Variants in RTN4RL2 observed in about 807,000 individuals in gnomAD.
The protein encoded by RTN4RL2 is reticulon-4 receptor-like 2.
RTN4RL2 carries 9 observed loss-of-function variants against 27.8 expected under a neutral mutation model. That is an observed-to-expected ratio of 0.32 (90% CI 0.20 to 0.57). The LOEUF is 0.57. RTN4RL2 is among the 20% of genes least tolerant of loss of function. The pLI, the probability that RTN4RL2 is intolerant of heterozygous loss-of-function variation, is 0.90. For missense variants in RTN4RL2, 436 were observed against 596.8 expected (o/e 0.73, Z 2.81); for synonymous variants, 285 against 297.9 (o/e 0.96, Z 0.45).
At chr11:57,468,468 C>T in intron 2 of RTN4RL2, 1 of 1,181,484 alleles carries the variant, frequency 8.5e-7, no homozygotes. Flanking sequence ...CACACACCCA[C>T]TCCGCATACA....
At chr11:57,463,506 G>A (rs1404704068) in intron 1 of RTN4RL2, among the ~76,000 whole-genome samples, 6 of 151,978 alleles carry the variant, frequency 3.9e-5, no homozygotes, top group Admixed American at 3.9e-4. Context: ...GAGGCCTGGG[G>A]TGCTCAGAAA....
rs1307895385 is a variant in RTN4RL2, at chr11:57,462,186, G to A, written c.31+1290G>A. ...GGCCTGGACGTTGGATTCTGCAGCC[G>A]CTGCCGCCACCACGGTGGCTGCTTA... On this transcript the variant is annotated intron_variant, in intron 1 of 2. Transcript: ENST00000335099. Among the ~76,000 whole-genome samples, 4 of 152,202 alleles carry A rather than the reference G, an allele frequency of 2.6e-5. No individual in the cohort carries two copies. The East Asian group carries it at 5.8e-4, about 22-fold the overall frequency.
At chr11:57,466,325 C>G (rs540255066) in intron 1 of RTN4RL2, among the ~76,000 whole-genome samples, 3 of 152,074 alleles carry the variant, frequency 2.0e-5, no homozygotes, top group Non-Finnish European at 4.4e-5. Flanking sequence ...AAAAAATTAG[C>G]TGGGTGCAGT....
Position 57,476,774 on chromosome 11 carries a change from G to T in RTN4RL2, c.1126G>T (p.Gly376Cys). Residue 376 changes from glycine to cysteine, a missense_variant, in exon 3 of 3, where the codon GGT becomes TGT. Around this residue, in one of 3 missense-constraint regions of RTN4RL2, gnomAD observed 60 missense variants for 43.0 expected, o/e 1.40. Coordinates refer to ENST00000335099, the MANE Select transcript of RTN4RL2 (RefSeq NM_178570.3). This position sits in a 1 kb window ranked among gnomAD's most constrained non-coding sequence, Gnocchi z 8.2. ...GGACGACTACTGGGGGGGCTACGGGGGTGAGGACCAGCGAGGGGAGCAGAT... is the reference window on the plus strand; with the variant it reads ...GGACGACTACTGGGGGGGCTACGGGTGTGAGGACCAGCGAGGGGAGCAGAT... ...TEDDYWGGYG[G>C]EDQRGEQMCP... The T allele has an allele frequency of 6.7e-7, 1 of 1,488,838 alleles. No individual in the cohort carries two copies. The allele number at this position is 1,488,838 out of a possible 1,614,324, so 92.2% of individuals were successfully genotyped here.
rs149633632 is a variant in RTN4RL2, at chr11:57,476,890, C to T, written c.1242C>T (p.Leu414=). Reference sequence around the variant, plus strand: ...CCAGCCCTCTGCTTTGCCTCCTGCTCCTGGTGCCCCACCACCTCTGACTGC... The same window carrying T: ...CCAGCCCTCTGCTTTGCCTCCTGCTTCTGGTGCCCCACCACCTCTGACTGC... The part of the protein sequence containing the change: ...GLPSPLLCLL[L]LVPHHL Residue 414 remains leucine, a synonymous_variant, in exon 3 of 3, where the codon CTC becomes CTT. Coordinates refer to ENST00000335099, the MANE Select transcript of RTN4RL2 (RefSeq NM_178570.3). This position sits in a 1 kb window ranked among gnomAD's most constrained non-coding sequence, Gnocchi z 8.2. The T allele has an allele frequency of 3.3e-4, 515 of 1,573,724 alleles. 1 individual carries two copies. In the African/African-American group the frequency reaches 6.0e-3, roughly 18 times the overall value.
chr11:57,460,834 C>A lies in RTN4RL2; in HGVS notation c.-32C>A, dbSNP rs767175622. 7.3e-7 allele frequency: 1 copy of A among 1,378,696 alleles called. No individual in the cohort carries two copies. The highest frequency in any genetic ancestry group is 9.6e-7 in the Non-Finnish European group (1 of 1,045,462). The allele number at this position is 1,378,696 out of a possible 1,614,324, so 85.4% of individuals were successfully genotyped here. A position where few individuals can be genotyped will look rare whatever the true frequency, so the allele number is the denominator to read the frequency against. ...GGGAGCGAGTGGGAGCGCCCTCCCC[C>A]CGCTGCCCCCTCCCCCGAGCATCGA... On this transcript the variant is annotated 5_prime_UTR_variant, in exon 1 of 3. Coordinates refer to ENST00000335099, the MANE Select transcript of RTN4RL2 (RefSeq NM_178570.3).
chr11:57,476,694 G>A lies in RTN4RL2; in HGVS notation c.1046G>A (p.Arg349Gln). 1 of 1,439,918 alleles carries A rather than the reference G, an allele frequency of 6.9e-7. No homozygotes were observed. Among genetic ancestry groups the A allele is most frequent in the Non-Finnish European group, 9.0e-7 (1 of 1,105,460 alleles). The allele number at this position is 1,439,918 out of a possible 1,614,324, so 89.2% of individuals were successfully genotyped here. Residue 349 changes from arginine to glutamine, a missense_variant, in exon 3 of 3, where the codon CGA (arginine) becomes CAA (glutamine). Arg to Gln is a conservative substitution (Grantham distance 43). This residue lies in a region of RTN4RL2 where 365 missense variants were observed against 530.5 expected (regional missense o/e 0.69). Coordinates refer to ENST00000335099, the MANE Select transcript of RTN4RL2 (RefSeq NM_178570.3). This position sits in a 1 kb window ranked among gnomAD's most constrained non-coding sequence, Gnocchi z 8.2. ...CCAGCCGATCCCTCCACCCTCTACC[G>A]AGATCTGCCTGCCGAAGACTCGCGG... ...APPADPSTLY[R>Q]DLPAEDSRGR...
chr11:57,463,202 G>A (rs780830187), intron 1 of RTN4RL2, among the ~76,000 whole-genome samples: 1 of 152,184 alleles, frequency 6.6e-6, no homozygotes, highest in Non-Finnish European at 1.5e-5. Context: ...TCTGCAAATT[G>A]GGGGCCACAA....
chr11:57,476,618 G>T lies in RTN4RL2; in HGVS notation c.970G>T (p.Gly324Cys). ...APTRPGSRAR[G>C]NSSSNHLYGV... The stretch of plus-strand genomic sequence containing the variant: ...CACGCGGCCGGGCAGCCGCGCCCGC[G>T]GCAACAGCTCCTCCAACCACCTGTA... Residue 324 changes from glycine (G) to cysteine (C), a missense_variant, in exon 3 of 3, where the codon GGC becomes TGC. Around this residue, in one of 3 missense-constraint regions of RTN4RL2, gnomAD observed 365 missense variants for 530.5 expected, o/e 0.69. Coordinates refer to ENST00000335099, the MANE Select transcript of RTN4RL2 (RefSeq NM_178570.3). The surrounding 1 kb of genome is among the most constrained non-coding windows in gnomAD (Gnocchi z 8.2). 7.1e-7 allele frequency: 1 copy of T among 1,414,348 alleles called. No individual in the cohort carries two copies. The allele number at this position is 1,414,348 out of a possible 1,614,324, so 87.6% of individuals were successfully genotyped here.
At chr11:57,464,013 G>T (rs547881195) in intron 1 of RTN4RL2, among the ~76,000 whole-genome samples, 1 of 152,358 alleles carries the variant, frequency 6.6e-6, no homozygotes, top group East Asian at 1.9e-4. Context: ...TGCTTTGCAC[G>T]GCAGTGGCAA....
chr11:57,466,475 GA>G (rs1943525890), intron 1 of RTN4RL2, among the ~76,000 whole-genome samples: 2 of 151,918 alleles, frequency 1.3e-5, no homozygotes, highest in Admixed American at 6.6e-5. Flanking sequence ...GTCTCCAAAA[GA>G]AAAAAAGAAA....
In RTN4RL2 at chr11:57,476,462, C is replaced by T; in HGVS notation, c.814C>T (p.Leu272Phe). ...GGCGTGCGACTGCCGCGCGCGGCCG[C>T]TCTGGGCCTGGTTCCAGCGCGCGCG... ...PWACDCRARPLWAWFQRARVS... is the reference protein window; with the variant it reads ...PWACDCRARPFWAWFQRARVS... Residue 272 changes from leucine to phenylalanine, a missense_variant, in exon 3 of 3, where the codon CTC becomes TTC. Around this residue, in one of 3 missense-constraint regions of RTN4RL2, gnomAD observed 365 missense variants for 530.5 expected, o/e 0.69. Transcript: ENST00000335099. This position sits in a 1 kb window ranked among gnomAD's most constrained non-coding sequence, Gnocchi z 8.2. The T allele has an allele frequency of 6.4e-7, 1 of 1,557,750 alleles. No individual in the cohort carries two copies. Among genetic ancestry groups the T allele is most frequent in the East Asian group, 2.4e-5 (1 of 40,918 alleles).
Position 57,460,806 on chromosome 11 carries a change from T to A in RTN4RL2, c.-60T>A, listed in dbSNP as rs1033331346. ...GGTCCCCGCCGTGCATCCGGCGGGC[T>A]CAGGGAGCGAGTGGGAGCGCCCTCC... On this transcript the variant is annotated 5_prime_UTR_variant, in exon 1 of 3. Coordinates refer to ENST00000335099, the MANE Select transcript of RTN4RL2 (RefSeq NM_178570.3). 48 of 1,075,112 alleles carry A rather than the reference T, an allele frequency of 4.5e-5. No homozygotes were observed. In the Middle Eastern group the frequency reaches 1.6e-3, roughly 36 times the overall value. The allele number at this position is 1,075,112 out of a possible 1,614,324, so 66.6% of individuals were successfully genotyped here.
At chr11:57,475,448 A>C (rs1271447356) in intron 2 of RTN4RL2, among the ~76,000 whole-genome samples, 2 of 152,018 alleles carry the variant, frequency 1.3e-5, no homozygotes, top group East Asian at 3.9e-4. Context: ...AAGTAGGTAT[A>C]CTCATCCCCA....
At chr11:57,468,666 T>A (rs1943543328) in intron 2 of RTN4RL2, 2 of 1,536,282 alleles carry the variant, frequency 1.3e-6, no homozygotes, top group Admixed American at 3.9e-5. Context: ...GCCACTGGCA[T>A]CCCACAGAAA....
intron 2 of RTN4RL2, among the ~76,000 whole-genome samples, chr11:57,473,737 G>C (rs555780679): frequency 6.6e-6 from 1 of 152,074 alleles, no homozygotes; most frequent in Non-Finnish European, 1.5e-5. Flanking sequence ...GCTTGGATGG[G>C]GGGAGGAGGC....
chr11:57,476,936 C>T lies in RTN4RL2; in HGVS notation c.*25C>T. ...ACTGCGGTGCTGAGATCGAAGAGGCCAGTGTCCGATCCCCGCTTCCCGTCC... is the reference window on the plus strand; with the variant it reads ...ACTGCGGTGCTGAGATCGAAGAGGCTAGTGTCCGATCCCCGCTTCCCGTCC... On this transcript the variant is annotated 3_prime_UTR_variant, in exon 3 of 3. Transcript: ENST00000335099. This position sits in a 1 kb window ranked among gnomAD's most constrained non-coding sequence, Gnocchi z 8.2. The T allele has an allele frequency of 1.3e-6, 2 of 1,529,046 alleles. No individual in the cohort carries two copies. Among genetic ancestry groups the T allele is most frequent in the Non-Finnish European group, 8.7e-7 (1 of 1,148,554 alleles). The allele number at this position is 1,529,046 out of a possible 1,614,324, so 94.7% of individuals were successfully genotyped here. A position where few individuals can be genotyped will look rare whatever the true frequency, so the allele number is the denominator to read the frequency against.
In RTN4RL2 at chr11:57,467,936, G is replaced by T. The variant is rs61745214; in HGVS notation, c.359G>T (p.Arg120Leu). The change falls in exon 2 of 3, where the codon CGC becomes CTC. Residue 120 changes from arginine to leucine, a missense_variant. Around this residue, in one of 3 missense-constraint regions of RTN4RL2, gnomAD observed 365 missense variants for 530.5 expected, o/e 0.69. Transcript: ENST00000335099. The surrounding 1 kb of genome is among the most constrained non-coding windows in gnomAD (Gnocchi z 5.5). Reference protein sequence around the residue: ...ELDLGDNRHLRSLEPDTFQGL... With the variant: ...ELDLGDNRHLLSLEPDTFQGL... ...GACCTCGGTGACAACCGGCACCTGC[G>T]CTCGCTGGAGCCCGACACCTTCCAG... The T allele has an allele frequency of 2.0e-3, 3,194 of 1,613,236 alleles. 14 individuals are homozygous for T. Among genetic ancestry groups the T allele is most frequent in the Non-Finnish European group, 2.4e-3 (2,874 of 1,179,938 alleles).
intron 1 of RTN4RL2, among the ~76,000 whole-genome samples, chr11:57,465,072 G>A (rs1405045637): frequency 2.0e-5 from 3 of 152,304 alleles, no homozygotes; most frequent in Non-Finnish European, 2.9e-5. Context: ...AGGAGGGGCC[G>A]GGGACACTCA....
Sources: allele counts gnomAD v4.1 joint callset (sites outside exome capture counted in the v4.1 genomes callset), GRCh38; gene constraint gnomAD v4.1.1; regional missense constraint gnomAD v4.1.1; non-coding constraint Gnocchi (gnomAD v3.1); transcripts MANE v1.5; gene names NCBI Gene and HGNC (gene_info 2026-07-23, HGNC 2026-07-21).